LHFPL3: variants seen among roughly 807,000 people sequenced by gnomAD.
LHFPL3 encodes the protein LHFPL tetraspan subfamily member 3 protein.
LHFPL3 carries 5 observed loss-of-function variants against 19.3 expected under a neutral mutation model. The ratio of observed to expected loss-of-function variants is 0.26; its 90% confidence interval spans 0.14 to 0.54. The LOEUF (loss-of-function observed/expected upper bound fraction) is 0.54. Ranked by LOEUF, LHFPL3 falls within the 20% of genes least tolerant of loss-of-function variation. The pLI is 0.94. For missense variants in LHFPL3, 249 were observed against 307.4 expected (o/e 0.81, Z 1.42); for synonymous variants, 133 against 126.2 (o/e 1.05, Z -0.36).
At chr7:104,540,015 T>C (rs547677750) in intron 1 of LHFPL3, among the ~76,000 whole-genome samples, 155 of 152,040 alleles carry the variant, frequency 1.0e-3, no homozygotes, top group African/African-American at 3.5e-3. Context: ...TAGGAAATAA[T>C]GAGATCCCGC....
At chr7:104,418,814 C>T (rs1484751824) in intron 1 of LHFPL3, among the ~76,000 whole-genome samples, 1 of 152,134 alleles carries the variant, frequency 6.6e-6, no homozygotes, top group Non-Finnish European at 1.5e-5. Context: ...GAAAAAGATA[C>T]AGAATGAGAA....
At chr7:104,485,606 T>C (rs923720227) in intron 1 of LHFPL3, among the ~76,000 whole-genome samples, 2 of 152,222 alleles carry the variant, frequency 1.3e-5, no homozygotes, top group Non-Finnish European at 2.9e-5. Context: ...AACCATTTAA[T>C]GATTAGATTT....
chr7:104,660,727 T>A (rs1792210750), intron 1 of LHFPL3, among the ~76,000 whole-genome samples: 1 of 152,256 alleles, frequency 6.6e-6, no homozygotes. Context: ...TAGCCACATC[T>A]GCATAGATTT....
chr7:104,758,950 A>C (rs1794330969), intron 2 of LHFPL3, among the ~76,000 whole-genome samples: 1 of 152,234 alleles, frequency 6.6e-6, no homozygotes, highest in Non-Finnish European at 1.5e-5. Context: ...TTGTGCAAAT[A>C]AGAAATTGTC....
intron 1 of LHFPL3, among the ~76,000 whole-genome samples, chr7:104,592,141 A>G (rs1790738386): frequency 6.6e-6 from 1 of 152,264 alleles, no homozygotes; most frequent in African/African-American, 2.4e-5. Context: ...GTCATTCTCC[A>G]TCCAGCTTTG....
At chr7:104,591,968 G>T (rs112129999) in intron 1 of LHFPL3, among the ~76,000 whole-genome samples, 162 of 152,190 alleles carry the variant, frequency 1.1e-3, no homozygotes, top group African/African-American at 3.9e-3. Flanking sequence ...AGCTCCATCA[G>T]GTCATTTAAG....
At chr7:104,842,913 A>C (rs1402464878) in intron 2 of LHFPL3, among the ~76,000 whole-genome samples, 1 of 152,246 alleles carries the variant, frequency 6.6e-6, no homozygotes, top group Non-Finnish European at 1.5e-5. Context: ...TTCTGATGAC[A>C]TAAATAGCAT....
At chr7:104,678,354 TTTTTAAGTAACTTTA>T (rs1486582845) in intron 1 of LHFPL3, among the ~76,000 whole-genome samples, 2 of 152,196 alleles carry the variant, frequency 1.3e-5, no homozygotes, top group Non-Finnish European at 2.9e-5. Context: ...CAAACGTTGC[TTTTTAAGTAACTTTA>T]TTTCTGTCTG....
At chr7:104,343,338 C>G (rs758128055) in intron 1 of LHFPL3, among the ~76,000 whole-genome samples, 16 of 151,362 alleles carry the variant, frequency 1.1e-4, no homozygotes, top group Non-Finnish European at 2.2e-4. Flanking sequence ...CAGAGTGAAA[C>G]CCCATCTCTA....
At position 104,328,738 on chromosome 7, in the gene LHFPL3, C is replaced by CGGAGGACCAGGAGGA. The variant is rs748442198; in HGVS notation, c.-35_-21dup. The CGGAGGACCAGGAGGA allele has an allele frequency of 1.3e-3, 1,901 of 1,497,398 alleles. 19 individuals carry two copies. The South Asian group carries it at 0.022, about 17-fold the overall frequency. The allele number at this position is 1,497,398 out of a possible 1,614,324, so 92.8% of individuals were successfully genotyped here. On this transcript the variant is annotated 5_prime_UTR_variant, in exon 1 of 3. Transcript: ENST00000424859. The surrounding 1 kb of genome is among the most constrained non-coding windows in gnomAD (Gnocchi z 4.6). Reference sequence around the variant, plus strand: ...CTGCGCGCTGAGAGGCGGGGGGAGGCGGAGGACCAGGAGGAGGAGGAGGAG... The same window carrying CGGAGGACCAGGAGGA: ...CTGCGCGCTGAGAGGCGGGGGGAGGCGGAGGACCAGGAGGAGGAGGACCAGGAGGAGGAGGAGGAG...
intron 2 of LHFPL3, among the ~76,000 whole-genome samples, chr7:104,801,431 C>T (rs910229127): frequency 1.3e-5 from 2 of 152,116 alleles, no homozygotes; most frequent in Non-Finnish European, 2.9e-5. Flanking sequence ...AAGAAAAGAC[C>T]CTGAAAGCCT....
At chr7:104,833,385 A>AT (rs1406987425) in intron 2 of LHFPL3, among the ~76,000 whole-genome samples, 2 of 5,108 alleles carry the variant, frequency 3.9e-4, no homozygotes, top group Non-Finnish European at 3.6e-4. Flanking sequence ...TTATATATAT[A>AT]ATAGGATATA....
In LHFPL3 at chr7:104,686,525, G is replaced by C. The variant is rs892052337; in HGVS notation, c.446-50150G>C. Among the ~76,000 whole-genome samples, 4 of 152,284 alleles carry C rather than the reference G, an allele frequency of 2.6e-5. 1 individual carries two copies. Among genetic ancestry groups the C allele is most frequent in the African/African-American group, 2.4e-5 (1 of 41,550 alleles). ...CCTTCTGAAACCAGAAGTGTGTGGA[G>C]TTGTCCCCACACACCAAGTAATTCT... is the stretch of plus-strand genomic sequence containing the variant. On this transcript the variant is annotated intron_variant, in intron 1 of 2. Coordinates refer to ENST00000424859, the MANE Select transcript of LHFPL3 (RefSeq NM_199000.3).
intron 2 of LHFPL3, among the ~76,000 whole-genome samples, chr7:104,873,800 C>T (rs1005805408): frequency 2.6e-5 from 4 of 152,178 alleles, no homozygotes; most frequent in Non-Finnish European, 5.9e-5. Context: ...TGTTTGCCTT[C>T]GCAGAGTGGG....
chr7:104,764,615 A>G (rs1032860773), intron 2 of LHFPL3, among the ~76,000 whole-genome samples: 5 of 152,318 alleles, frequency 3.3e-5, no homozygotes, highest in African/African-American at 9.6e-5. Flanking sequence ...TTAATAATCC[A>G]TATCTACACT....
chr7:104,741,934 C>T (rs1200213479), intron 2 of LHFPL3, among the ~76,000 whole-genome samples: 1 of 152,156 alleles, frequency 6.6e-6, no homozygotes, highest in East Asian at 1.9e-4. Flanking sequence ...TGTGTGCTAT[C>T]CCTGGCTCTG....
intron 1 of LHFPL3, among the ~76,000 whole-genome samples, chr7:104,616,944 C>T (rs1388381543): frequency 6.6e-6 from 1 of 152,122 alleles, no homozygotes; most frequent in Non-Finnish European, 1.5e-5. Flanking sequence ...ATCAAAACCA[C>T]AATGAGATAC....
chr7:104,833,549 C>A (rs1791036354), intron 2 of LHFPL3, among the ~76,000 whole-genome samples: 1 of 41,286 alleles, frequency 2.4e-5, no homozygotes, highest in African/African-American at 1.0e-4. Context: ...TAATAAACTC[C>A]CACGCGGGAG....
chr7:104,472,936 A>G (rs1021121653), intron 1 of LHFPL3, among the ~76,000 whole-genome samples: 6 of 152,378 alleles, frequency 3.9e-5, no homozygotes, highest in African/African-American at 1.2e-4. Flanking sequence ...ATAAAATTTC[A>G]TGTGACATTA....
Sources: allele counts gnomAD v4.1 joint callset (sites outside exome capture counted in the v4.1 genomes callset), GRCh38; gene constraint gnomAD v4.1.1; non-coding constraint Gnocchi (gnomAD v3.1); transcripts MANE v1.5; gene names NCBI Gene and HGNC (gene_info 2026-07-23, HGNC 2026-07-21).